TEX11: variants seen among roughly 807,000 people sequenced by gnomAD.
TEX11 encodes testis expressed 11.
A neutral mutation model predicts 84.4 loss-of-function variants in TEX11; 7 were observed. The ratio of observed to expected loss-of-function variants is 0.08; its 90% CI spans 0.05 to 0.16. TEX11 has a LOEUF of 0.16. Among genes scored for constraint, TEX11 ranks in the 10% least tolerant of loss-of-function variants. The pLI, the probability that TEX11 is intolerant of heterozygous loss-of-function variation, is 1.00. For synonymous variants in TEX11, 264 were observed against 222.8 expected (o/e 1.18, Z -1.64); for missense variants, 551 against 660.5 (o/e 0.83, Z 1.82).
chrX:70,753,795 C>G (rs761947046), intron 9 of TEX11, among the ~76,000 whole-genome samples: 1 of 109,337 alleles, frequency 9.1e-6, no homozygotes, highest in African/African-American at 3.3e-5. Flanking sequence ...GGTTGTGAGG[C>G]CTCCTCTCCA....
the TEX11 span, among the ~76,000 whole-genome samples, chrX:70,511,664 A>C: frequency 3.7e-3 from 380 of 101,993 alleles, 11 homozygotes; most frequent in Non-Finnish European, 6.3e-3. Flanking sequence ...GAGGCAGGAG[A>C]ATCACCTGAA....
intron 17 of TEX11, among the ~76,000 whole-genome samples, chrX:70,639,768 T>C (rs2147581806): frequency 9.0e-6 from 1 of 111,426 alleles, no homozygotes; most frequent in South Asian, 3.9e-4. Context: ...AACCCATCTG[T>C]ACATCACCAT....
At chrX:70,514,654 C>T in the TEX11 span, among the ~76,000 whole-genome samples, 4 of 110,005 alleles carry the variant, frequency 3.6e-5, no homozygotes, top group Non-Finnish European at 7.6e-5. Context: ...TACCACTGCC[C>T]TGCAAAATGG....
At chrX:70,866,044 G>A (rs2091597468) in intron 4 of TEX11, among the ~76,000 whole-genome samples, 1 of 111,349 alleles carries the variant, frequency 9.0e-6, no homozygotes, top group South Asian at 3.8e-4. Context: ...TAAGATCAGA[G>A]CAGAACTGAA....
chrX:70,880,573 C>T (rs2091677493), intron 2 of TEX11, among the ~76,000 whole-genome samples: 1 of 110,207 alleles, frequency 9.1e-6, no homozygotes, highest in East Asian at 2.9e-4. Flanking sequence ...CTAAAACAAA[C>T]AAACAAAAAC....
At chrX:70,578,096 G>C (rs2088704347) in intron 25 of TEX11, among the ~76,000 whole-genome samples, 1 of 112,178 alleles carries the variant, frequency 8.9e-6, no homozygotes, top group African/African-American at 3.2e-5. Flanking sequence ...GGTAAATTGT[G>C]TTACTGGAGA....
intron 17 of TEX11, among the ~76,000 whole-genome samples, chrX:70,651,157 T>C (rs1310021576): frequency 8.9e-6 from 1 of 112,154 alleles, no homozygotes; most frequent in Non-Finnish European, 1.9e-5. Flanking sequence ...AATTTTTGAA[T>C]AGGTTGGTTT....
chrX:70,650,557 A>G (rs2089798849), intron 17 of TEX11, among the ~76,000 whole-genome samples: 2 of 111,683 alleles, frequency 1.8e-5, no homozygotes, highest in Admixed American at 9.5e-5. Flanking sequence ...TGACAGCAAT[A>G]TTAACCTCTA....
chrX:70,694,549 C>A (rs955567248), intron 13 of TEX11, among the ~76,000 whole-genome samples: 1 of 111,497 alleles, frequency 9.0e-6, no homozygotes, highest in Non-Finnish European at 1.9e-5. Context: ...CTGACTATAC[C>A]AAATGTGGGT....
At chrX:70,692,429 CCT>C (rs1158831486) in intron 13 of TEX11, among the ~76,000 whole-genome samples, 3 of 110,392 alleles carry the variant, frequency 2.7e-5, no homozygotes, top group African/African-American at 9.9e-5. Flanking sequence ...AACAATACCC[CCT>C]CTCCCCCACC....
At chrX:70,820,801 C>G (rs2091314538) in intron 8 of TEX11, among the ~76,000 whole-genome samples, 1 of 111,689 alleles carries the variant, frequency 9.0e-6, no homozygotes, top group Non-Finnish European at 1.9e-5. Flanking sequence ...CACCTCCCAC[C>G]AGGCCCCACC....
intron 13 of TEX11, among the ~76,000 whole-genome samples, chrX:70,720,678 A>T (rs998542046): frequency 5.5e-5 from 6 of 109,381 alleles, no homozygotes; most frequent in Non-Finnish European, 1.1e-4. Flanking sequence ...TATTTTATTC[A>T]CTTTCCAAAA....
At chrX:70,734,970 G>A (rs769336474) in intron 11 of TEX11, among the ~76,000 whole-genome samples, 1 of 112,045 alleles carries the variant, frequency 8.9e-6, no homozygotes, top group South Asian at 3.7e-4. Context: ...GAATGTTCTT[G>A]CTAGAAAAAT....
At chrX:70,794,614 C>T (rs1284278419) in intron 9 of TEX11, among the ~76,000 whole-genome samples, 3 of 108,516 alleles carry the variant, frequency 2.8e-5, no homozygotes, top group Admixed American at 1.0e-4. Flanking sequence ...CTTGGTCTTG[C>T]AATTTGGATA....
At chrX:70,549,471 C>T (rs934695736) in intron 28 of TEX11, among the ~76,000 whole-genome samples, 3 of 111,599 alleles carry the variant, frequency 2.7e-5, no homozygotes, top group East Asian at 5.7e-4. Context: ...CTCCTAGGGT[C>T]CCCGGTTCCA....
At chrX:70,660,073 C>G (rs779001413) in intron 16 of TEX11, among the ~76,000 whole-genome samples, 2 of 111,837 alleles carry the variant, frequency 1.8e-5, no homozygotes, top group East Asian at 5.6e-4. Flanking sequence ...TATATCTAAA[C>G]ATATCTAAAC....
At chrX:70,530,631 A>G (rs746484656) in intron 28 of TEX11, among the ~76,000 whole-genome samples, 2 of 112,198 alleles carry the variant, frequency 1.8e-5, no homozygotes, top group South Asian at 7.5e-4. Flanking sequence ...AGGAGATGGA[A>G]CACAAAGAAA....
intron 16 of TEX11, among the ~76,000 whole-genome samples, chrX:70,666,893 C>A (rs74454166): frequency 0.079 from 8,758 of 111,179 alleles, 432 homozygotes; most frequent in Admixed American, 0.24. Context: ...TCCCTGACCA[C>A]CCTATCTAAA....
intron 13 of TEX11, among the ~76,000 whole-genome samples, chrX:70,717,764 T>G (rs2090519851): frequency 8.9e-6 from 1 of 111,877 alleles, no homozygotes; most frequent in African/African-American, 3.2e-5. Context: ...CTTCCTACAC[T>G]GTCTACAGAA....
Sources: gnomAD v4.1 joint callset for allele counts (sites outside exome capture counted in the v4.1 genomes callset) on GRCh38, gnomAD v4.1.1 for gene constraint, MANE v1.5 for transcripts, NCBI Gene and HGNC (gene_info 2026-07-23, HGNC 2026-07-21) for gene names.